The following KIF27 variants were observed in gnomAD, a reference collection of about 807,000 sequenced individuals.
KIF27 encodes kinesin-like protein KIF27.
KIF27 carries 84 observed loss-of-function variants against 141.8 expected under a neutral mutation model. That is an observed-to-expected ratio of 0.59 (90% confidence interval 0.50 to 0.71). The LOEUF (loss-of-function observed/expected upper bound fraction) is 0.71, where lower values mean the gene tolerates loss of function less well. KIF27 is among the 30% of genes least tolerant of loss of function. KIF27 has a pLI of 0.00. For synonymous variants in KIF27, 471 were observed against 569.5 expected, an observed-to-expected ratio of 0.83 and a Z score of 2.46; for missense variants, 1,306 against 1,628.4, an observed-to-expected ratio of 0.80 and a Z score of 3.41.
intron 5 of KIF27, among the ~76,000 whole-genome samples, chr9:83,895,842 GAGGTC>G (rs1405695515): frequency 6.6e-6 from 1 of 151,996 alleles, no homozygotes; most frequent in Admixed American, 6.6e-5. Context: ...TAGATCATTT[GAGGTC>G]AGGAGTGATT....
chr9:83,844,379 T>C (rs1222081634), intron 16 of KIF27, among the ~76,000 whole-genome samples: 4 of 151,946 alleles, frequency 2.6e-5, no homozygotes, highest in Non-Finnish European at 5.9e-5. Context: ...TCTATATATC[T>C]CCTATTAGTT....
intron 4 of KIF27, 84 bp downstream of exon 4, chr9:83,902,976 G>T (rs892599532): frequency 1.3e-6 from 1 of 766,690 alleles, no homozygotes; most frequent in Non-Finnish European, 2.0e-6. Flanking sequence ...GTCTAAATAT[G>T]TTAACACATG....
At chr9:83,883,218 T>A (rs1033255684) in intron 10 of KIF27, among the ~76,000 whole-genome samples, 9 of 152,160 alleles carry the variant, frequency 5.9e-5, no homozygotes, top group African/African-American at 2.2e-4. Context: ...AGAAAGTTCA[T>A]TATGATCAGA....
chr9:83,865,056 A>G (rs1456839745), intron 13 of KIF27, among the ~76,000 whole-genome samples: 1 of 151,204 alleles, frequency 6.6e-6, no homozygotes, highest in Admixed American at 6.6e-5. Flanking sequence ...CTTTATTTTG[A>G]GCCTATATGT....
intron 10 of KIF27, 144 bp downstream of exon 10, chr9:83,883,669 G>A (rs984381517): frequency 1.2e-5 from 7 of 592,716 alleles, no homozygotes; most frequent in Admixed American, 6.2e-5. Context: ...TATGTAAATC[G>A]ACCAGCACAC....
chr9:83,853,596 A>G (rs1242564508), intron 15 of KIF27, 33 bp downstream of exon 15: 11 of 1,470,126 alleles, frequency 7.5e-6, no homozygotes, highest in South Asian at 1.1e-5. Context: ...ACCCATCTTT[A>G]TAAGAAAAAT....
At position 83,848,316 on chromosome 9, in the gene KIF27, CAT is replaced by C. The variant is rs1420079308; in HGVS notation, c.3556+1781_3556+1782del. 2.9e-5 allele frequency among the ~76,000 whole-genome samples: 3 copies of C among 103,970 alleles called. 1 individual carries two copies. Among genetic ancestry groups the C allele is most frequent in the African/African-American group, 8.5e-5 (2 of 23,516 alleles). 68.2% of individuals were successfully genotyped at this position (103,970 alleles called of 152,430 possible). ...ATCAGATATGATATATATGATATATCATATATCTATATATCTATATATATCTA... is the reference window on the plus strand; with the variant it reads ...ATCAGATATGATATATATGATATATCATATCTATATATCTATATATATCTA... On this transcript the variant is annotated intron_variant, in intron 16 of 17. Coordinates refer to ENST00000297814, the MANE Select transcript of KIF27 (RefSeq NM_017576.4).
rs190671050 is a variant in KIF27 at position 83,861,089 on chromosome 9, G to A, written c.2935-1718C>T. On this transcript the variant is annotated intron_variant, in intron 13 of 17. Transcript: ENST00000297814. Reference sequence around the variant, plus strand: ...AGTCTTTTTTGTCTAGACGCTTTCAGGACCTTCTTTTTTCCTCAGTCAGTG... The same window carrying A: ...AGTCTTTTTTGTCTAGACGCTTTCAAGACCTTCTTTTTTCCTCAGTCAGTG... 4.7e-4 allele frequency among the ~76,000 whole-genome samples: 72 copies of A among 151,936 alleles called. 1 individual carries two copies. In the East Asian group the frequency reaches 9.9e-3, roughly 21 times the overall value.
chr9:83,885,656 C>T (rs1190248351), intron 9 of KIF27, among the ~76,000 whole-genome samples: 2 of 151,796 alleles, frequency 1.3e-5, no homozygotes, highest in Non-Finnish European at 2.9e-5. Flanking sequence ...TTTTTTGAGA[C>T]GGTCTTGCTC....
intron 11 of KIF27, among the ~76,000 whole-genome samples, chr9:83,871,938 G>A (rs1230794616): frequency 6.6e-6 from 1 of 151,022 alleles, no homozygotes; most frequent in Non-Finnish European, 1.5e-5. Flanking sequence ...CTGACCTCAG[G>A]TGATCCACCT....
rs537443766 is a variant in KIF27, at chr9:83,880,482, T to G, written c.2458A>C (p.Lys820Gln). 8.7e-6 allele frequency: 14 copies of G among 1,610,070 alleles called. No individual in the cohort carries two copies. The highest frequency in any genetic ancestry group is 2.2e-5 in the South Asian group (2 of 90,602). Reference protein sequence around the residue: ...AKLRVQVLQKKQQDSKKLASL... With the variant: ...AKLRVQVLQKQQQDSKKLASL... ...GCCAGTTTCTTACTATCTTGTTGCT[T>G]CTTCTGCAAGACCTGAGATCATATG... The change falls in exon 11 of 18, where the codon AAG (lysine) becomes CAG (glutamine). Residue 820 changes from lysine (K) to glutamine (Q), a missense_variant. Lys to Gln is a moderately conservative substitution (Grantham distance 53, BLOSUM62 1). Transcript: ENST00000297814.
chr9:83,858,609 C>T (rs1317082397), intron 14 of KIF27: 1 of 152,596 alleles, frequency 6.6e-6, no homozygotes, highest in African/African-American at 2.4e-5. Flanking sequence ...ATAACTAAAA[C>T]TATAGTTTTA....
chr9:83,844,742 GA>G (rs1349427716), intron 16 of KIF27, among the ~76,000 whole-genome samples: 2 of 152,198 alleles, frequency 1.3e-5, no homozygotes, highest in Non-Finnish European at 2.9e-5. Context: ...TGGACAAAGT[GA>G]TGAAAGAAAA....
rs1047620072 is a variant in KIF27, at chr9:83,906,987, T to C, written c.499+1465A>G. On this transcript the variant is annotated intron_variant, in intron 3 of 17. Transcript: ENST00000297814. ...AAAACTGTGCGTAGGGTTGCAAGTATACATTTTTAAAAAATTATATGGGCC... is the reference window on the plus strand; with the variant it reads ...AAAACTGTGCGTAGGGTTGCAAGTACACATTTTTAAAAAATTATATGGGCC... Among the ~76,000 whole-genome samples, 25 of 151,642 alleles carry C rather than the reference T, an allele frequency of 1.6e-4. 1 individual carries two copies. Among genetic ancestry groups the C allele is most frequent in the African/African-American group, 5.6e-4 (23 of 41,274 alleles).
At chr9:83,914,745 C>G (rs1180032077) in intron 2 of KIF27, among the ~76,000 whole-genome samples, 1 of 152,144 alleles carries the variant, frequency 6.6e-6, no homozygotes, top group Non-Finnish European at 1.5e-5. Context: ...TTACCAGACA[C>G]TTAACTAAAA....
intron 3 of KIF27, among the ~76,000 whole-genome samples, 185 bp downstream of exon 3, chr9:83,908,261 CAAAAAA>C (rs769794962): frequency 1.3e-5 from 1 of 74,286 alleles, no homozygotes; most frequent in African/African-American, 4.8e-5. Context: ...AACTCCATCT[CAAAAAA>C]AAAAAAAAAA....
In KIF27 at chr9:83,853,735, C is replaced by CT; in HGVS notation, c.3250dup (p.Arg1084LysfsTer6). 1 of 1,613,848 alleles carries CT rather than the reference C, an allele frequency of 6.2e-7. No homozygotes were observed. The highest frequency in any genetic ancestry group is 1.1e-5 in the South Asian group (1 of 91,068). On this transcript the variant is annotated frameshift_variant, in exon 15 of 18. Transcript: ENST00000297814. LOFTEE classifies it high-confidence loss of function. ...ACGAGAGAGGTTATGGAATGATGCTCTAAGTGACTTCTGGCGATTCTGGAT... is the reference window on the plus strand; with the variant it reads ...ACGAGAGAGGTTATGGAATGATGCTCTTAAGTGACTTCTGGCGATTCTGGAT...
rs773694344 is a variant in KIF27 at position 83,902,964 on chromosome 9, A to G, written c.1458+96T>C. The G allele has an allele frequency of 7.5e-4, 495 of 661,322 alleles. 1 individual carries two copies. The highest frequency in any genetic ancestry group is 1.1e-3 in the Non-Finnish European group (442 of 409,214). 41.0% of individuals were successfully genotyped at this position (661,322 alleles called of 1,614,324 possible). On this transcript the variant is annotated intron_variant, in intron 4 of 17. Transcript: ENST00000297814. ...GTCCTTAAAAGAGTTATCCATAACA[A>G]TGTCTAAATATGTTAACACATGTAC...
At chr9:83,888,949 T>C (rs1378547542) in intron 7 of KIF27, 135 bp downstream of exon 7, 22 of 962,490 alleles carry the variant, frequency 2.3e-5, no homozygotes, top group South Asian at 7.2e-5. Context: ...CATTAGATGA[T>C]AGTACTTTTA....
Sources: gnomAD v4.1 joint callset for allele counts (sites outside exome capture counted in the v4.1 genomes callset) on GRCh38, gnomAD v4.1.1 for gene constraint, MANE v1.5 for transcripts, NCBI Gene and HGNC (gene_info 2026-07-23, HGNC 2026-07-21) for gene names.